DCC: variants seen among roughly 807,000 people sequenced by gnomAD.
DCC encodes the protein netrin receptor DCC.
Under a neutral mutation model 172.5 loss-of-function variants are expected in DCC, and 58 were observed. The observed-to-expected ratio is 0.34, with a 90% CI of 0.27 to 0.42. DCC has a LOEUF of 0.42. DCC is among the 10% of genes least tolerant of loss of function. The probability of loss-of-function intolerance (pLI) is 1.00; values close to 1 mark genes in which losing one functional copy is unlikely to be tolerated. For missense variants in DCC, 1,740 were observed against 1,791.0 expected (o/e 0.97, Z 0.51); for synonymous variants, 709 against 644.5 (o/e 1.10, Z -1.52).
intron 5 of DCC, among the ~76,000 whole-genome samples, chr18:52,976,501 A>C (rs980826935): frequency 1.3e-5 from 2 of 152,204 alleles, no homozygotes; most frequent in African/African-American, 4.8e-5. Flanking sequence ...CTAGCTACTG[A>C]AAGGCTCTAT....
intron 5 of DCC, among the ~76,000 whole-genome samples, chr18:53,007,302 G>T (rs138804029): frequency 6.6e-6 from 1 of 152,212 alleles, no homozygotes; most frequent in African/African-American, 2.4e-5. Context: ...TAAATTTACG[G>T]TAGGTTTAGA....
chr18:52,350,885 C>T (rs1026137672), intron 1 of DCC, among the ~76,000 whole-genome samples: 12 of 152,124 alleles, frequency 7.9e-5, no homozygotes, highest in African/African-American at 2.2e-4. Flanking sequence ...TCCAGACTTT[C>T]GTGACCCTTT....
At chr18:53,221,154 T>C (rs2055926979) in intron 12 of DCC, among the ~76,000 whole-genome samples, 1 of 151,158 alleles carries the variant, frequency 6.6e-6, no homozygotes, top group African/African-American at 2.4e-5. Flanking sequence ...TTACCATTTT[T>C]TAATTTAATT....
intron 15 of DCC, among the ~76,000 whole-genome samples, chr18:53,381,992 C>T (rs1907780245): frequency 6.6e-6 from 1 of 151,574 alleles, no homozygotes; most frequent in South Asian, 2.1e-4. Context: ...TTCCAAGATC[C>T]TCTCTGACCT....
intron 2 of DCC, among the ~76,000 whole-genome samples, chr18:52,770,435 A>G (rs1280869036): frequency 6.6e-6 from 1 of 152,184 alleles, no homozygotes; most frequent in Non-Finnish European, 1.5e-5. Flanking sequence ...CATGCCCTCA[A>G]TGTCCTTCAT....
intron 1 of DCC, among the ~76,000 whole-genome samples, chr18:52,388,326 T>C (rs114281976): frequency 0.016 from 2,378 of 151,804 alleles, 60 homozygotes; most frequent in African/African-American, 0.054. Context: ...TATGTATCTT[T>C]CTAGTAATTT....
Position 52,860,287 on chromosome 18 carries a change from A to G in DCC, c.413-45757A>G, listed in dbSNP as rs189349378. 3.9e-5 allele frequency among the ~76,000 whole-genome samples: 6 copies of G among 152,356 alleles called. 1 individual carries two copies. The East Asian group carries it at 9.6e-4, about 24-fold the overall frequency. ...CAGCTGGCACAAAAGCTGCTTATAT[A>G]TAAGTTGCTCCGGTGATTTCTCCCA... On this transcript the variant is annotated intron_variant, in intron 2 of 28. Coordinates refer to ENST00000442544, the MANE Select transcript of DCC (RefSeq NM_005215.4).
At chr18:53,064,824 T>G (rs1266181180) in intron 6 of DCC, among the ~76,000 whole-genome samples, 2 of 152,182 alleles carry the variant, frequency 1.3e-5, no homozygotes, top group Non-Finnish European at 2.9e-5. Context: ...GATCTGCCAA[T>G]GGGCACTTTA....
chr18:53,453,528 C>T (rs1256050794), intron 23 of DCC, among the ~76,000 whole-genome samples: 1 of 134,980 alleles, frequency 7.4e-6, no homozygotes, highest in African/African-American at 2.6e-5. Context: ...TATGGACTCT[C>T]AGTAATATCT....
intron 2 of DCC, among the ~76,000 whole-genome samples, chr18:52,806,769 T>C (rs2145238446): frequency 6.6e-6 from 1 of 152,304 alleles, no homozygotes; most frequent in Non-Finnish European, 1.5e-5. Flanking sequence ...TCATTTAGTA[T>C]GAATATTAGA....
chr18:52,545,658 G>A (rs918483479), intron 1 of DCC, among the ~76,000 whole-genome samples: 3 of 152,094 alleles, frequency 2.0e-5, no homozygotes, highest in Non-Finnish European at 4.4e-5. Context: ...ATAGGTTATT[G>A]TAATAAGGGT....
intron 1 of DCC, among the ~76,000 whole-genome samples, chr18:52,697,379 T>C (rs2036031020): frequency 6.6e-6 from 1 of 152,150 alleles, no homozygotes; most frequent in South Asian, 2.1e-4. Context: ...ATGGCAGCGA[T>C]ATGGGATGGG....
chr18:52,630,961 A>G (rs1454444426), intron 1 of DCC, among the ~76,000 whole-genome samples: 1 of 152,110 alleles, frequency 6.6e-6, no homozygotes, highest in East Asian at 1.9e-4. Flanking sequence ...TGCCATGGCT[A>G]GCTGTCCATT....
intron 9 of DCC, among the ~76,000 whole-genome samples, chr18:53,182,816 C>T (rs1200430582): frequency 4.6e-5 from 7 of 152,100 alleles, no homozygotes. Context: ...TCCTTCCTCC[C>T]TTCCTCCTTC....
At chr18:53,273,440 G>C (rs1190388110) in intron 12 of DCC, among the ~76,000 whole-genome samples, 1 of 151,974 alleles carries the variant, frequency 6.6e-6, no homozygotes, top group Non-Finnish European at 1.5e-5. Flanking sequence ...TGATTGGTAG[G>C]ATTCACAAAT....
At chr18:53,526,816 T>A in intron 28 of DCC, 57 bp downstream of exon 28, 1 of 1,590,716 alleles carries the variant, frequency 6.3e-7, no homozygotes, top group Non-Finnish European at 8.6e-7. Flanking sequence ...TGGCGCTGTG[T>A]AATAGCATCT....
intron 7 of DCC, among the ~76,000 whole-genome samples, chr18:53,094,413 G>A (rs1172670241): frequency 6.6e-6 from 1 of 152,120 alleles, no homozygotes; most frequent in African/African-American, 2.4e-5. Context: ...TCTCCCTTTA[G>A]GATTCTGTCA....
At chr18:52,688,252 G>T (rs2035873353) in intron 1 of DCC, among the ~76,000 whole-genome samples, 1 of 151,180 alleles carries the variant, frequency 6.6e-6, no homozygotes, top group Admixed American at 6.6e-5. Flanking sequence ...CAGCTAGTGT[G>T]AACTAAGCTC....
At chr18:52,905,387 G>A (rs1320469837) in intron 2 of DCC, among the ~76,000 whole-genome samples, 2 of 152,100 alleles carry the variant, frequency 1.3e-5, no homozygotes, top group Non-Finnish European at 2.9e-5. Context: ...GTAATAGGTG[G>A]CTCAACTAGT....
Sources: allele counts gnomAD v4.1 joint callset (sites outside exome capture counted in the v4.1 genomes callset), GRCh38; gene constraint gnomAD v4.1.1; transcripts MANE v1.5; gene names NCBI Gene and HGNC (gene_info 2026-07-23, HGNC 2026-07-21).